OR2L13: variants seen among roughly 807,000 people sequenced by gnomAD.
The protein encoded by OR2L13 is olfactory receptor 2L13.
Under a neutral mutation model 15.3 loss-of-function variants are expected in OR2L13, and 14 were observed. The ratio of observed to expected loss-of-function variants is 0.91; its 90% CI spans 0.60 to 1.43. The LOEUF (loss-of-function observed/expected upper bound fraction) is 1.43. OR2L13 is among the 40% of genes most tolerant of loss of function. The probability of loss-of-function intolerance (pLI) is 0.00; values close to 1 mark genes in which losing one functional copy is unlikely to be tolerated. For missense variants in OR2L13, 367 were observed against 387.9 expected (o/e 0.95, Z 0.45); for synonymous variants, 152 against 142.9 (o/e 1.06, Z -0.45).
the OR2L13 span, among the ~76,000 whole-genome samples, chr1:247,987,587 A>G: frequency 6.6e-6 from 1 of 152,194 alleles, no homozygotes; most frequent in African/African-American, 2.4e-5. Flanking sequence ...GCAGGCTAAA[A>G]TATTCGACCC....
At chr1:248,083,481 C>T in the OR2L13 span, 1 of 657,602 alleles carries the variant, frequency 1.5e-6, no homozygotes, top group East Asian at 2.7e-5. Context: ...AAAATGGTAT[C>T]TCTCAATACA....
At chr1:247,958,886 C>A in the OR2L13 span, among the ~76,000 whole-genome samples, 1 of 152,114 alleles carries the variant, frequency 6.6e-6, no homozygotes, top group African/African-American at 2.4e-5. Flanking sequence ...TGGGTTTTGA[C>A]TCTTTATCCA....
upstream of OR2L13, among the ~76,000 whole-genome samples, chr1:248,092,799 T>C (rs1481913415): frequency 6.6e-6 from 1 of 152,182 alleles, no homozygotes; most frequent in Admixed American, 6.5e-5. Context: ...CCCTTGTCTA[T>C]AATATCCATC....
chr1:248,037,380 C>A, the OR2L13 span, among the ~76,000 whole-genome samples: 1 of 152,056 alleles, frequency 6.6e-6, no homozygotes, highest in Non-Finnish European at 1.5e-5. Flanking sequence ...CTAATTTATT[C>A]ATAATATGGA....
chr1:248,038,551 G>A, the OR2L13 span: 2 of 1,614,160 alleles, frequency 1.2e-6, no homozygotes, highest in Admixed American at 1.7e-5. Flanking sequence ...TCCTTCACTG[G>A]ATGTGGGATT....
chr1:247,980,643 A>C, the OR2L13 span, among the ~76,000 whole-genome samples: 1 of 152,206 alleles, frequency 6.6e-6, no homozygotes, highest in East Asian at 1.9e-4. Flanking sequence ...ATCCTATGTT[A>C]TTAGTGATTC....
upstream of OR2L13, among the ~76,000 whole-genome samples, chr1:248,091,718 T>C (rs975381540): frequency 5.3e-5 from 8 of 152,214 alleles, no homozygotes; most frequent in Admixed American, 2.0e-4. Flanking sequence ...AGTAATGCGA[T>C]GTCTCCAGCT....
chr1:248,042,946 A>G, the OR2L13 span, among the ~76,000 whole-genome samples: 1 of 152,242 alleles, frequency 6.6e-6, no homozygotes, highest in Admixed American at 6.5e-5. Context: ...TTTTAAGAAG[A>G]TGCAAAGGCT....
At chr1:248,051,255 T>C in the OR2L13 span, 1 of 152,234 alleles carries the variant, frequency 6.6e-6, no homozygotes, top group African/African-American at 2.4e-5. Context: ...AGTGAATTCT[T>C]ACAATATTTG....
the OR2L13 span, among the ~76,000 whole-genome samples, chr1:247,952,504 C>T: frequency 6.6e-5 from 10 of 152,262 alleles, no homozygotes; most frequent in African/African-American, 9.6e-5. Flanking sequence ...TCACAGTAGA[C>T]GGTGCCATCT....
At chr1:248,069,538 C>T in the OR2L13 span, among the ~76,000 whole-genome samples, 2 of 152,084 alleles carry the variant, frequency 1.3e-5, no homozygotes, top group Admixed American at 6.6e-5. Context: ...TTGTAAAGAC[C>T]ATCGATGCTA....
At chr1:248,075,033 C>T in the OR2L13 span, among the ~76,000 whole-genome samples, 1 of 152,224 alleles carries the variant, frequency 6.6e-6, no homozygotes, top group African/African-American at 2.4e-5. Flanking sequence ...GACCCCCAGC[C>T]CCTGAGATTC....
chr1:247,958,597 A>C, the OR2L13 span, among the ~76,000 whole-genome samples: 71 of 152,146 alleles, frequency 4.7e-4, no homozygotes, highest in Non-Finnish European at 6.9e-4. Context: ...GTAGGTCTCT[A>C]CGGACTTGCT....
chr1:247,943,425 A>T, the OR2L13 span, among the ~76,000 whole-genome samples: 1 of 152,304 alleles, frequency 6.6e-6, no homozygotes, highest in African/African-American at 2.4e-5. Flanking sequence ...GAATAAAAAA[A>T]AATCCAAAAA....
chr1:248,093,536 A>G (rs559986228), upstream of OR2L13, among the ~76,000 whole-genome samples: 3 of 152,300 alleles, frequency 2.0e-5, no homozygotes, highest in South Asian at 6.2e-4. Flanking sequence ...AAAAATCTGT[A>G]TGTGATCATA....
chr1:248,034,598 T>C, the OR2L13 span, among the ~76,000 whole-genome samples: 1 of 152,230 alleles, frequency 6.6e-6, no homozygotes, highest in East Asian at 1.9e-4. Flanking sequence ...AGCCTTCCAG[T>C]CTATAAATAC....
At chr1:248,051,727 T>A in the OR2L13 span, among the ~76,000 whole-genome samples, 1 of 151,484 alleles carries the variant, frequency 6.6e-6, no homozygotes, top group Non-Finnish European at 1.5e-5. Context: ...ACTCCCTGAA[T>A]AAAAAAAAAT....
At chr1:248,042,232 A>T in the OR2L13 span, 1 of 151,966 alleles carries the variant, frequency 6.6e-6, no homozygotes, top group African/African-American at 2.4e-5. Context: ...GGAAATCATC[A>T]TTCTCACTAA....
chr1:248,078,151 G>T, the OR2L13 span, among the ~76,000 whole-genome samples: 1 of 152,168 alleles, frequency 6.6e-6, no homozygotes, highest in Non-Finnish European at 1.5e-5. Flanking sequence ...AAGATGCAAT[G>T]CAATTGGGTA....
Sources: allele counts gnomAD v4.1 joint callset (sites outside exome capture counted in the v4.1 genomes callset), GRCh38; gene constraint gnomAD v4.1.1; transcripts MANE v1.5; gene names NCBI Gene and HGNC (gene_info 2026-07-23, HGNC 2026-07-21).